Variants in TBC1D4 observed in about 807,000 individuals in gnomAD.
TBC1D4 encodes the protein TBC1 domain family member 4.
A neutral mutation model predicts 142.5 loss-of-function variants in TBC1D4; 121 were observed. The ratio of observed to expected loss-of-function variants is 0.85; its 90% CI spans 0.73 to 0.99. The LOEUF is 0.99. Ranked by LOEUF, TBC1D4 falls within the 50% of genes least tolerant of loss-of-function variation. The pLI is 0.00. For missense variants in TBC1D4, 1,475 were observed against 1,606.6 expected (o/e 0.92, Z 1.40); for synonymous variants, 630 against 628.2 (o/e 1.00, Z -0.04).
intron 13 of TBC1D4, among the ~76,000 whole-genome samples, chr13:75,312,380 C>A (rs1877839743): frequency 6.9e-6 from 1 of 144,128 alleles, no homozygotes; most frequent in African/African-American, 2.8e-5. Context: ...CCACTGCAAC[C>A]CCAGCCTGGG....
In TBC1D4 at chr13:75,341,172, A is replaced by G; in HGVS notation, c.1564T>C (p.Cys522Arg). 6.2e-7 allele frequency: 1 copy of G among 1,613,498 alleles called. No individual in the cohort carries two copies. The highest frequency in any genetic ancestry group is 8.5e-7 in the Non-Finnish European group (1 of 1,179,890). The change falls in exon 7 of 21, where the codon TGT (cysteine) becomes CGT (arginine). Residue 522 changes from cysteine (C) to arginine (R), a missense_variant. Cys to Arg is a radical substitution (Grantham distance 180). Around this residue, in one of 2 missense-constraint regions of TBC1D4, gnomAD observed 1,227 missense variants for 1,267.7 expected, o/e 0.97. Coordinates refer to ENST00000377636, the MANE Select transcript of TBC1D4 (RefSeq NM_014832.5). ...ACGTGTGTCTTCTGCTTGGCTTCAC[A>G]CAGCTGCCTCAGGTGTAAAATCACA... ...ELVILHLRQLCEAKQKTHVHI... is the reference protein window; with the variant it reads ...ELVILHLRQLREAKQKTHVHI...
Position 75,320,041 on chromosome 13 carries a change from G to C in TBC1D4, c.2199-4C>G, listed in dbSNP as rs748375856. On this transcript the variant is annotated splice_polypyrimidine_tract_variant and splice_region_variant and intron_variant, in intron 11 of 20. Transcript: ENST00000377636. ...TGATTCTGAAGCAGTGTCTTGTCTG[G>C]TACAACAGGAAAACAAGGAATGGAA... The C allele has an allele frequency of 2.5e-5, 41 of 1,613,082 alleles. No homozygotes were observed. Among genetic ancestry groups the C allele is most frequent in the Middle Eastern group, 3.3e-4 (2 of 6,078 alleles).
At chr13:75,341,054 G>C in intron 7 of TBC1D4, 71 bp downstream of exon 7, 2 of 1,383,522 alleles carry the variant, frequency 1.4e-6, no homozygotes, top group Non-Finnish European at 2.1e-6. Flanking sequence ...GAACCTGAGA[G>C]TACAAAGGGA....
Position 75,306,319 on chromosome 13 carries a change from T to G in TBC1D4, c.2746A>C (p.Lys916Gln), listed in dbSNP as rs1256861908. Reference protein sequence around the residue: ...CDMEDIHTLLKEGVPKSRRGE... With the variant: ...CDMEDIHTLLQEGVPKSRRGE... ...CTGAGATTATCCCAAATACCTTCTT[T>G]AAGAAGAGTATGAATATCTTCCATA... is the stretch of plus-strand genomic sequence containing the variant. The change falls in exon 15 of 21, where the codon AAA becomes CAA. Residue 916 changes from lysine (K) to glutamine (Q), a missense_variant. Around this residue, in one of 2 missense-constraint regions of TBC1D4, gnomAD observed 1,227 missense variants for 1,267.7 expected, o/e 0.97. Transcript: ENST00000377636. The G allele has an allele frequency of 7.5e-6, 12 of 1,609,932 alleles. No individual in the cohort carries two copies. Among genetic ancestry groups the G allele is most frequent in the Non-Finnish European group, 1.0e-5 (12 of 1,179,172 alleles).
chr13:75,408,685 C>T (rs998040514), intron 1 of TBC1D4, among the ~76,000 whole-genome samples: 1 of 152,152 alleles, frequency 6.6e-6, no homozygotes, highest in African/African-American at 2.4e-5. Context: ...TACATTCCCA[C>T]CAACAGTGTA....
At chr13:75,350,364 A>G (rs1338780713) in intron 4 of TBC1D4, among the ~76,000 whole-genome samples, 1 of 152,226 alleles carries the variant, frequency 6.6e-6, no homozygotes. Context: ...ACTGAAATAA[A>G]CAGACTATTC....
chr13:75,417,498 G>GA (rs113356092), intron 1 of TBC1D4, among the ~76,000 whole-genome samples: 1,900 of 150,838 alleles, frequency 0.013, 46 homozygotes, highest in African/African-American at 0.043. Context: ...TCATAAAAAT[G>GA]AAAAAAAAAT....
chr13:75,344,129 G>A (rs112133247), intron 5 of TBC1D4, among the ~76,000 whole-genome samples: 8,565 of 151,870 alleles, frequency 0.056, 370 homozygotes, highest in Admixed American at 0.12. Context: ...GATTACAGGC[G>A]TTAGCCACCG....
chr13:75,362,810 A>G lies in TBC1D4; in HGVS notation c.499-203T>C, dbSNP rs190344198. Among the ~76,000 whole-genome samples the G allele has an allele frequency of 7.2e-5, 11 of 152,354 alleles. No homozygotes were observed. Among genetic ancestry groups the G allele is most frequent in the Non-Finnish European group, 1.3e-4 (9 of 68,036 alleles). The stretch of plus-strand genomic sequence containing the variant: ...AAATTAAAATGTAATGAAAATTGAA[A>G]TTGAATAGCAGGATTATATTTTCCC... On this transcript the variant is annotated intron_variant, in intron 1 of 20. Coordinates refer to ENST00000377636, the MANE Select transcript of TBC1D4 (RefSeq NM_014832.5). The surrounding 1 kb of genome is among the most constrained non-coding windows in gnomAD (Gnocchi z 4.2).
Position 75,386,247 on chromosome 13 carries a change from A to T in TBC1D4, c.499-23640T>A, listed in dbSNP as rs371225973. On this transcript the variant is annotated intron_variant, in intron 1 of 20. Coordinates refer to ENST00000377636, the MANE Select transcript of TBC1D4 (RefSeq NM_014832.5). ...CCAAAAACCATGACTATCATTTAGT[A>T]GCTCTGGAAAAGAATGCAATGAAAG... is the stretch of plus-strand genomic sequence containing the variant. 1.4e-4 allele frequency among the ~76,000 whole-genome samples: 22 copies of T among 152,340 alleles called. No individual in the cohort carries two copies. In the South Asian group the frequency reaches 4.6e-3, roughly 32 times the overall value.
At chr13:75,480,366 A>G (rs897669651) in intron 1 of TBC1D4, among the ~76,000 whole-genome samples, 4 of 152,210 alleles carry the variant, frequency 2.6e-5, no homozygotes, top group African/African-American at 9.6e-5. Context: ...AGCTTTTGAT[A>G]TGGCGGGGAG....
chr13:75,411,051 A>C (rs185750013), intron 1 of TBC1D4, among the ~76,000 whole-genome samples: 2 of 152,146 alleles, frequency 1.3e-5, no homozygotes, highest in East Asian at 3.9e-4. Context: ...GCTAAAGCTT[A>C]TCAGGCCACA....
intron 1 of TBC1D4, among the ~76,000 whole-genome samples, chr13:75,415,320 G>C (rs1885871427): frequency 6.6e-6 from 1 of 152,164 alleles, no homozygotes; most frequent in Non-Finnish European, 1.5e-5. Flanking sequence ...AAGCTATAAA[G>C]TCCCAGTGAT....
Position 75,341,605 on chromosome 13 carries a change from G to A in TBC1D4, c.1409-18C>T, listed in dbSNP as rs1880711649. 6.3e-7 allele frequency: 1 copy of A among 1,594,820 alleles called. No homozygotes were observed. The highest frequency in any genetic ancestry group is 1.3e-5 in the African/African-American group (1 of 74,446). On this transcript the variant is annotated intron_variant, in intron 5 of 20. Coordinates refer to ENST00000377636, the MANE Select transcript of TBC1D4 (RefSeq NM_014832.5). Reference sequence around the variant, plus strand: ...GTAGAGACCTAAGGAAAATGATGAGGGAAGGTATTAAACAGAGTCTAGCAG... The same window carrying A: ...GTAGAGACCTAAGGAAAATGATGAGAGAAGGTATTAAACAGAGTCTAGCAG...
intron 1 of TBC1D4, among the ~76,000 whole-genome samples, chr13:75,417,993 T>C (rs953310786): frequency 6.6e-6 from 1 of 152,228 alleles, no homozygotes; most frequent in Non-Finnish European, 1.5e-5. Context: ...TGAGTATAAA[T>C]CCCAGTATGT....
At chr13:75,433,025 G>A (rs1016070604) in intron 1 of TBC1D4, among the ~76,000 whole-genome samples, 3 of 150,574 alleles carry the variant, frequency 2.0e-5, no homozygotes, top group African/African-American at 4.9e-5. Context: ...GCAAATAACT[G>A]AAAGGAAAAA....
At chr13:75,338,189 T>C (rs1880383366) in intron 7 of TBC1D4, among the ~76,000 whole-genome samples, 1 of 151,392 alleles carries the variant, frequency 6.6e-6, no homozygotes, top group African/African-American at 2.4e-5. Context: ...GCACAGTCTA[T>C]GTAGGAGGCA....
intron 1 of TBC1D4, among the ~76,000 whole-genome samples, chr13:75,366,718 G>T (rs1259143413): frequency 6.6e-6 from 1 of 151,682 alleles, no homozygotes; most frequent in Non-Finnish European, 1.5e-5. Flanking sequence ...ATTCCTTGAT[G>T]TCATGCTGTT....
intron 1 of TBC1D4, among the ~76,000 whole-genome samples, chr13:75,451,232 T>A (rs892736788): frequency 6.6e-6 from 1 of 152,286 alleles, no homozygotes; most frequent in Admixed American, 6.5e-5. Flanking sequence ...GAATAGTACC[T>A]ACTTATTAGA....
Sources: gnomAD v4.1 joint callset for allele counts (sites outside exome capture counted in the v4.1 genomes callset) on GRCh38, gnomAD v4.1.1 for gene constraint, gnomAD v4.1.1 regional missense constraint, Gnocchi (gnomAD v3.1) non-coding constraint, MANE v1.5 for transcripts, NCBI Gene and HGNC (gene_info 2026-07-23, HGNC 2026-07-21) for gene names.